ISY1: variants seen among roughly 807,000 people sequenced by gnomAD.
ISY1 encodes the protein ISY1 spliceosome associated protein.
A neutral mutation model predicts 54.4 loss-of-function variants in ISY1; 12 were observed. That is an observed-to-expected ratio of 0.22 (90% CI 0.14 to 0.36). ISY1 has a LOEUF of 0.36. Among genes scored for constraint, ISY1 ranks in the 10% least tolerant of loss-of-function variants. The probability of loss-of-function intolerance (pLI) is 1.00; values close to 1 mark genes in which losing one functional copy is unlikely to be tolerated. For missense variants in ISY1, 282 were observed against 342.2 expected (o/e 0.82, Z 1.39); for synonymous variants, 96 against 117.9 (o/e 0.81, Z 1.20).
chr3:129,129,993 C>T lies in ISY1; in HGVS notation c.*88G>A, dbSNP rs1466916778. ...GGAAGGCTGAGAATGGGGCAGGAGC[C>T]CTTGCAGCACCAGCCTGTGTCTGCA... On this transcript the variant is annotated 3_prime_UTR_variant, in exon 11 of 11. Transcript: ENST00000393295. The T allele has an allele frequency of 5.0e-6, 5 of 1,007,768 alleles. No homozygotes were observed. In the East Asian group the frequency reaches 1.3e-4, roughly 26 times the overall value. 62.4% of individuals were successfully genotyped at this position (1,007,768 alleles called of 1,614,324 possible).
At chr3:129,157,012 T>C in intron 3 of ISY1, 92 bp from the exon 4 acceptor site, 1 of 1,394,268 alleles carries the variant, frequency 7.2e-7, no homozygotes. Context: ...CTAAATCATC[T>C]AATGGCCTAA....
intron 5 of ISY1, among the ~76,000 whole-genome samples, chr3:129,152,145 G>A (rs1406349510): frequency 2.0e-5 from 3 of 151,788 alleles, no homozygotes; most frequent in Non-Finnish European, 4.4e-5. Flanking sequence ...GGTGACAAGA[G>A]CAAAACTCCG....
chr3:129,145,412 G>A (rs1305220154), intron 6 of ISY1, among the ~76,000 whole-genome samples: 1 of 151,978 alleles, frequency 6.6e-6, no homozygotes, highest in Non-Finnish European at 1.5e-5. Context: ...TAGAAAAGAT[G>A]GGCTTTTGCC....
intron 2 of ISY1, among the ~76,000 whole-genome samples, chr3:129,158,852 G>T (rs1327018834): frequency 1.3e-5 from 2 of 152,078 alleles, no homozygotes; most frequent in African/African-American, 2.4e-5. Context: ...ATACATCCAG[G>T]TGTTAAAAGA....
rs1391486700 is a variant in ISY1, at chr3:129,149,802, A to AG, written c.188-3930_188-3929insC. Reference sequence around the variant, plus strand: ...AGACTCCAACTCAAAAAAAAAAAAAAAAAAAAGAAAGAAAGAAAAAAATTA... The same window carrying AG: ...AGACTCCAACTCAAAAAAAAAAAAAAGAAAAAAGAAAGAAAGAAAAAAATTA... On this transcript the variant is annotated intron_variant, in intron 5 of 10. Transcript: ENST00000393295. Among the ~76,000 whole-genome samples the AG allele has an allele frequency of 2.2e-4, 26 of 117,454 alleles. 1 individual carries two copies. Among genetic ancestry groups the AG allele is most frequent in the African/African-American group, 7.4e-4 (25 of 33,618 alleles). 77.1% of individuals were successfully genotyped at this position (117,454 alleles called of 152,430 possible).
chr3:129,158,342 A>G (rs536098035), intron 3 of ISY1, among the ~76,000 whole-genome samples, 166 bp downstream of exon 3: 1 of 151,636 alleles, frequency 6.6e-6, no homozygotes, highest in East Asian at 1.9e-4. Flanking sequence ...TATTTTTTGT[A>G]AAGAAGGGAT....
chr3:129,144,698 G>A (rs747251106), intron 6 of ISY1, among the ~76,000 whole-genome samples: 5 of 151,994 alleles, frequency 3.3e-5, no homozygotes, highest in Non-Finnish European at 7.4e-5. Context: ...CAGCACCTTT[G>A]TGTGCTGGCT....
rs776131680 is a variant in ISY1 at position 129,130,599 on chromosome 3, T to A, written c.701A>T (p.Asp234Val). 28 of 1,614,086 alleles carry A rather than the reference T, an allele frequency of 1.7e-5. No individual in the cohort carries two copies. In the Middle Eastern group the frequency reaches 4.9e-4, roughly 28 times the overall value. ...GTGAGCAATGAACTTCTGCTGGCTG[T>A]CGTCCCCTCCTTTCTCCTGGCTGCC... The part of the protein sequence containing the change: ...EEGSQEKGGD[D>V]SQQKFIAHVP... Residue 234 changes from aspartate to valine, a missense_variant, in exon 10 of 11, where the codon GAC (aspartate) becomes GTC (valine). This residue lies in a region of ISY1 where 279 missense variants were observed against 323.6 expected (regional missense o/e 0.86). Transcript: ENST00000393295.
chr3:129,146,822 C>A (rs1344457344), intron 5 of ISY1, among the ~76,000 whole-genome samples: 1 of 152,140 alleles, frequency 6.6e-6, no homozygotes, highest in African/African-American at 2.4e-5. Context: ...CTCTGGGAAG[C>A]AGAAGTGGGT....
intron 5 of ISY1, among the ~76,000 whole-genome samples, chr3:129,152,009 A>C (rs1412475635): frequency 6.6e-6 from 1 of 152,012 alleles, no homozygotes; most frequent in African/African-American, 2.4e-5. Flanking sequence ...AAATACAAAA[A>C]TTAGCTAGGC....
At chr3:129,155,446 G>A (rs142964996) in intron 5 of ISY1, among the ~76,000 whole-genome samples, 12 of 151,856 alleles carry the variant, frequency 7.9e-5, no homozygotes, top group Admixed American at 3.9e-4. Context: ...CACCCGCCTC[G>A]GCCTCCCAAA....
chr3:129,156,186 CAGG>C (rs1177809121), intron 5 of ISY1, among the ~76,000 whole-genome samples: 1 of 151,792 alleles, frequency 6.6e-6, no homozygotes, highest in Admixed American at 6.6e-5. Flanking sequence ...ATTGCAAGGT[CAGG>C]AGATCAAGAC....
chr3:129,158,479 T>C (rs1021070019), intron 3 of ISY1, 29 bp downstream of exon 3: 1 of 1,612,746 alleles, frequency 6.2e-7, no homozygotes, highest in East Asian at 2.2e-5. Context: ...CTTGATACTT[T>C]ACAATTCATG....
At chr3:129,144,863 T>C (rs112377805) in intron 6 of ISY1, among the ~76,000 whole-genome samples, 2 of 152,264 alleles carry the variant, frequency 1.3e-5, no homozygotes, top group African/African-American at 2.4e-5. Flanking sequence ...AGCCAACAAA[T>C]AGCTGTCTCC....
chr3:129,130,120 C>T lies in ISY1; in HGVS notation c.819G>A (p.Gln273=). 6.2e-7 allele frequency: 1 copy of T among 1,612,018 alleles called. No homozygotes were observed. The highest frequency in any genetic ancestry group is 1.1e-5 in the South Asian group (1 of 90,848). The part of the protein sequence containing the change: ...LLQKYASETL[Q]AQSEEARRLL... ...GCCTTCTGGCTTCTTCACTTTGGGC[C>T]TGCAGGGTCTCGCTTGCATACTTCT... Residue 273 remains glutamine (Q), a synonymous_variant, in exon 11 of 11, where the codon CAG becomes CAA. Coordinates refer to ENST00000393295, the MANE Select transcript of ISY1 (RefSeq NM_020701.4).
intron 7 of ISY1, among the ~76,000 whole-genome samples, chr3:129,135,893 G>A (rs1268471075): frequency 6.6e-6 from 1 of 152,094 alleles, no homozygotes; most frequent in Non-Finnish European, 1.5e-5. Context: ...TGCAGAATAT[G>A]TATGGGATGG....
chr3:129,132,342 T>C (rs1471936087), intron 9 of ISY1, among the ~76,000 whole-genome samples: 3 of 152,040 alleles, frequency 2.0e-5, no homozygotes, highest in Non-Finnish European at 4.4e-5. Context: ...TATAATTATT[T>C]GAAAAGAAAA....
chr3:129,137,252 A>T (rs1250224065), intron 7 of ISY1: 1 of 984,642 alleles, frequency 1.0e-6, no homozygotes, highest in African/African-American at 1.7e-5. Context: ...ACAGATAATA[A>T]TGGTTATCAG....
At chr3:129,155,189 T>C (rs909710754) in intron 5 of ISY1, among the ~76,000 whole-genome samples, 2 of 151,474 alleles carry the variant, frequency 1.3e-5, no homozygotes, top group African/African-American at 4.9e-5. Context: ...ATTTCAGTGC[T>C]ATATATGTAT....
Sources: gnomAD v4.1 joint callset for allele counts (sites outside exome capture counted in the v4.1 genomes callset) on GRCh38, gnomAD v4.1.1 for gene constraint, gnomAD v4.1.1 regional missense constraint, MANE v1.5 for transcripts, NCBI Gene and HGNC (gene_info 2026-07-23, HGNC 2026-07-21) for gene names.